Variants in PCSK2 observed in about 807,000 individuals in gnomAD.
PCSK2 encodes the protein proprotein convertase subtilisin/kexin type 2, also known as neuroendocrine convertase 2.
Under a neutral mutation model 69.7 loss-of-function variants are expected in PCSK2, and 14 were observed. That is an observed-to-expected ratio of 0.20 (90% CI 0.13 to 0.31). PCSK2 has a LOEUF of 0.31. Ranked by LOEUF, PCSK2 falls within the 10% of genes least tolerant of loss-of-function variation. The pLI, the probability that PCSK2 is intolerant of heterozygous loss-of-function variation, is 1.00. For missense variants in PCSK2, 544 were observed against 842.5 expected, an observed-to-expected ratio of 0.65 and a Z score of 4.39; for synonymous variants, 307 against 320.7, an observed-to-expected ratio of 0.96 and a Z score of 0.46.
At chr20:17,281,728 G>A (rs986588136) in intron 2 of PCSK2, among the ~76,000 whole-genome samples, 7 of 152,128 alleles carry the variant, frequency 4.6e-5, no homozygotes, top group Non-Finnish European at 1.0e-4. Flanking sequence ...CCAAGCAATT[G>A]CAGGCCATGG....
chr20:17,303,438 ATATAATATAT>A lies in PCSK2; in HGVS notation c.282+43095_282+43104del, dbSNP rs1568593205. ...TATGGTTATATATTTTTAATATATA[ATATAATATAT>A]ATTATATTAAATATAATATATATTA... On this transcript the variant is annotated intron_variant, in intron 2 of 11. Transcript: ENST00000262545. Among the ~76,000 whole-genome samples, 37 of 58,344 alleles carry A rather than the reference ATATAATATAT, an allele frequency of 6.3e-4. 1 individual carries two copies. The highest frequency in any genetic ancestry group is 1.2e-3 in the Non-Finnish European group (33 of 27,158). The allele number at this position is 58,344 out of a possible 152,430, so 38.3% of individuals were successfully genotyped here. A position where few individuals can be genotyped will look rare whatever the true frequency, so the allele number is the denominator to read the frequency against.
intron 11 of PCSK2, among the ~76,000 whole-genome samples, chr20:17,476,858 G>A (rs1011360751): frequency 3.3e-5 from 5 of 152,080 alleles, no homozygotes; most frequent in Admixed American, 1.3e-4. Flanking sequence ...TCATTACCCC[G>A]ACCCGCAAAG....
chr20:17,350,598 G>A (rs1164801677), intron 2 of PCSK2, among the ~76,000 whole-genome samples: 1 of 152,146 alleles, frequency 6.6e-6, no homozygotes, highest in African/African-American at 2.4e-5. Context: ...ACTGTGTTAT[G>A]TGCCCATAGG....
At chr20:17,450,686 G>T (rs989493468) in intron 8 of PCSK2, among the ~76,000 whole-genome samples, 1 of 152,158 alleles carries the variant, frequency 6.6e-6, no homozygotes, top group Non-Finnish European at 1.5e-5. Flanking sequence ...CCTTGTTGCT[G>T]TATCTCATAG....
At chr20:17,315,421 A>G (rs938306094) in intron 2 of PCSK2, among the ~76,000 whole-genome samples, 1 of 152,204 alleles carries the variant, frequency 6.6e-6, no homozygotes. Flanking sequence ...TTTCTGCGCT[A>G]TAAGGGAACC....
At chr20:17,406,975 C>A (rs1402440288) in intron 5 of PCSK2, among the ~76,000 whole-genome samples, 1 of 152,078 alleles carries the variant, frequency 6.6e-6, no homozygotes, top group Admixed American at 6.6e-5. Flanking sequence ...TTCCCATTGG[C>A]CTCGGTGGTC....
chr20:17,426,504 G>T (rs1348290336), intron 6 of PCSK2, among the ~76,000 whole-genome samples: 1 of 152,174 alleles, frequency 6.6e-6, no homozygotes, highest in African/African-American at 2.4e-5. Context: ...TTTTGTTTTA[G>T]TCATGGTTCT....
At chr20:17,264,036 A>T (rs1276119600) in intron 2 of PCSK2, among the ~76,000 whole-genome samples, 2 of 152,228 alleles carry the variant, frequency 1.3e-5, no homozygotes, top group Non-Finnish European at 2.9e-5. Flanking sequence ...TGGTCAACAT[A>T]TCAAAACCTC....
In PCSK2 at chr20:17,329,298, T is replaced by C. The variant is rs1451468418; in HGVS notation, c.283-29029T>C. 2.6e-5 allele frequency among the ~76,000 whole-genome samples: 4 copies of C among 152,194 alleles called. No individual in the cohort carries two copies. In the East Asian group the frequency reaches 5.8e-4, roughly 22 times the overall value. On this transcript the variant is annotated intron_variant, in intron 2 of 11. Transcript: ENST00000262545. ...AATAAGTCTGGGCTGTTTTACAAGA[T>C]GCTGTGTTCTACCACTAAAAAGAGG...
chr20:17,386,389 A>C (rs533899944), intron 5 of PCSK2, among the ~76,000 whole-genome samples: 1 of 152,362 alleles, frequency 6.6e-6, no homozygotes, highest in African/African-American at 2.4e-5. Flanking sequence ...TATTACATAC[A>C]TATAATGGAA....
At chr20:17,339,786 T>C (rs559551208) in intron 2 of PCSK2, among the ~76,000 whole-genome samples, 228 of 152,296 alleles carry the variant, frequency 1.5e-3, no homozygotes, top group South Asian at 3.5e-3. Context: ...TCCCCTGTCA[T>C]TGCTGCCCTC....
chr20:17,302,916 A>T (rs1989134442), intron 2 of PCSK2, among the ~76,000 whole-genome samples: 1 of 152,112 alleles, frequency 6.6e-6, no homozygotes, highest in South Asian at 2.1e-4. Flanking sequence ...AGATATATTT[A>T]ATATTACCCT....
At chr20:17,268,052 T>TAC (rs1987698554) in intron 2 of PCSK2, among the ~76,000 whole-genome samples, 1 of 113,800 alleles carries the variant, frequency 8.8e-6, no homozygotes, top group African/African-American at 3.2e-5. Context: ...TATATATATA[T>TAC]ATATATATAT....
chr20:17,360,223 T>C (rs1357335166), intron 3 of PCSK2, among the ~76,000 whole-genome samples: 1 of 152,080 alleles, frequency 6.6e-6, no homozygotes, highest in South Asian at 2.1e-4. Flanking sequence ...TTTCCTGCAA[T>C]AGCAGCTCTC....
chr20:17,444,922 C>T (rs1426652434), intron 8 of PCSK2, among the ~76,000 whole-genome samples: 5 of 152,224 alleles, frequency 3.3e-5, no homozygotes, highest in Non-Finnish European at 7.3e-5. Context: ...GACAGATGCA[C>T]AGAGCAGCCT....
intron 2 of PCSK2, among the ~76,000 whole-genome samples, chr20:17,321,744 A>G (rs1394300332): frequency 6.6e-6 from 1 of 152,178 alleles, no homozygotes; most frequent in Non-Finnish European, 1.5e-5. Context: ...TTACACATGA[A>G]AAAACCTTTG....
chr20:17,359,304 A>G (rs1320713899), intron 3 of PCSK2, among the ~76,000 whole-genome samples: 1 of 152,198 alleles, frequency 6.6e-6, no homozygotes, highest in East Asian at 1.9e-4. Flanking sequence ...CGAAAATCCA[A>G]TATGGGTAAT....
At chr20:17,240,037 A>G (rs965106930) in intron 1 of PCSK2, among the ~76,000 whole-genome samples, 32 of 151,822 alleles carry the variant, frequency 2.1e-4, no homozygotes, top group Admixed American at 6.6e-5. Context: ...TATTTTTAGT[A>G]GAGACGGGGT....
intron 2 of PCSK2, among the ~76,000 whole-genome samples, chr20:17,338,007 G>C (rs1990403118): frequency 2.0e-5 from 3 of 151,814 alleles, no homozygotes; most frequent in Admixed American, 1.3e-4. Flanking sequence ...CAATGTGCCT[G>C]GGTTCAGGTC....
Sources: gnomAD v4.1 joint callset for allele counts (sites outside exome capture counted in the v4.1 genomes callset) on GRCh38, gnomAD v4.1.1 for gene constraint, MANE v1.5 for transcripts, NCBI Gene and HGNC (gene_info 2026-07-23, HGNC 2026-07-21) for gene names.